TRAPPC9: variants seen among roughly 807,000 people sequenced by gnomAD.
The protein encoded by TRAPPC9 is IKK2 binding protein.
TRAPPC9 carries 83 observed loss-of-function variants against 124.0 expected under a neutral mutation model. That is an observed-to-expected ratio of 0.67 (90% CI 0.56 to 0.80). The LOEUF (loss-of-function observed/expected upper bound fraction) is 0.80. TRAPPC9 is among the 30% of genes least tolerant of loss of function. TRAPPC9 has a pLI of 0.00. For missense variants in TRAPPC9, 1,302 were observed against 1,508.3 expected, an observed-to-expected ratio of 0.86 and a Z score of 2.27; for synonymous variants, 638 against 617.5, an observed-to-expected ratio of 1.03 and a Z score of -0.49.
At chr8:140,019,179 C>A (rs10113081) in intron 18 of TRAPPC9, among the ~76,000 whole-genome samples, 4 of 151,926 alleles carry the variant, frequency 2.6e-5, no homozygotes, top group South Asian at 2.1e-4. Flanking sequence ...CTGTTTTGTC[C>A]CTTTCATATA....
intron 2 of TRAPPC9, among the ~76,000 whole-genome samples, chr8:140,447,021 C>T (rs1588374308): frequency 6.6e-6 from 1 of 152,198 alleles, no homozygotes; most frequent in Admixed American, 6.5e-5. Context: ...CAGCCACAGC[C>T]GGGAATCACA....
At chr8:139,783,907 T>C (rs1414090138) in intron 21 of TRAPPC9, among the ~76,000 whole-genome samples, 1 of 152,246 alleles carries the variant, frequency 6.6e-6, no homozygotes, top group Non-Finnish European at 1.5e-5. Context: ...ATCATCTTAA[T>C]GGTTGCAGAA....
At chr8:140,272,077 T>C (rs62642925) in intron 15 of TRAPPC9, among the ~76,000 whole-genome samples, 29,800 of 127,518 alleles carry the variant, frequency 0.23, 3,157 homozygotes, top group African/African-American at 0.31. Flanking sequence ...GTGATGATGG[T>C]GGTGGTTGTG....
intron 19 of TRAPPC9, among the ~76,000 whole-genome samples, chr8:139,921,889 C>A (rs1025126163): frequency 6.6e-6 from 1 of 151,396 alleles, no homozygotes; most frequent in Non-Finnish European, 1.5e-5. Flanking sequence ...CACCTGCCCC[C>A]CACTGCCACA....
chr8:140,079,365 C>G (rs1312028682), intron 17 of TRAPPC9, among the ~76,000 whole-genome samples: 1 of 152,152 alleles, frequency 6.6e-6, no homozygotes, highest in Non-Finnish European at 1.5e-5. Flanking sequence ...ACTCTTGGTT[C>G]TGCTCCTTTA....
At chr8:140,276,597 C>G (rs887221568) in intron 14 of TRAPPC9, among the ~76,000 whole-genome samples, 19 of 152,182 alleles carry the variant, frequency 1.2e-4, no homozygotes, top group African/African-American at 4.6e-4. Flanking sequence ...ACTAATTGTC[C>G]TGGTTGCATC....
chr8:140,432,691 T>C (rs532570936), intron 4 of TRAPPC9, among the ~76,000 whole-genome samples: 4 of 151,610 alleles, frequency 2.6e-5, no homozygotes, highest in African/African-American at 7.3e-5. Flanking sequence ...GCTAACACGG[T>C]GAAATCCTGT....
intron 17 of TRAPPC9, among the ~76,000 whole-genome samples, chr8:140,071,983 A>G (rs1331608305): frequency 2.6e-5 from 4 of 152,198 alleles, no homozygotes; most frequent in African/African-American, 9.7e-5. Flanking sequence ...CAATCATCTC[A>G]ACTGACGCAG....
chr8:140,075,213 G>A (rs544153082), intron 17 of TRAPPC9, among the ~76,000 whole-genome samples: 8 of 152,220 alleles, frequency 5.3e-5, no homozygotes, highest in South Asian at 2.1e-4. Flanking sequence ...TGGAGTTACC[G>A]ACACCTACCA....
At chr8:139,899,555 C>T (rs1830891378) in intron 20 of TRAPPC9, among the ~76,000 whole-genome samples, 1 of 152,124 alleles carries the variant, frequency 6.6e-6, no homozygotes, top group South Asian at 2.1e-4. Flanking sequence ...AGAAAATCTG[C>T]ATGTAAGTGG....
chr8:140,410,043 A>C (rs569435962), intron 5 of TRAPPC9, among the ~76,000 whole-genome samples: 1 of 145,630 alleles, frequency 6.9e-6, no homozygotes, highest in Non-Finnish European at 1.5e-5. Flanking sequence ...TGGGAGGCTG[A>C]GGCAGGAGGA....
chr8:140,352,032 C>T (rs1327847590), intron 9 of TRAPPC9, among the ~76,000 whole-genome samples: 1 of 152,148 alleles, frequency 6.6e-6, no homozygotes, highest in East Asian at 1.9e-4. Flanking sequence ...CACAAAGTCC[C>T]CCATTCCCCC....
chr8:140,234,246 T>C (rs1563868838), intron 16 of TRAPPC9, among the ~76,000 whole-genome samples: 1 of 152,176 alleles, frequency 6.6e-6, no homozygotes, highest in Admixed American at 6.5e-5. Context: ...CGCCTGATGA[T>C]CTGAGGTCGA....
chr8:140,105,819 G>A (rs936325114), intron 17 of TRAPPC9, among the ~76,000 whole-genome samples: 8 of 152,130 alleles, frequency 5.3e-5, no homozygotes, highest in African/African-American at 1.9e-4. Flanking sequence ...CATGCAGTCT[G>A]AATCTCAGAA....
intron 7 of TRAPPC9, among the ~76,000 whole-genome samples, chr8:140,380,568 T>C (rs1321174843): frequency 7.0e-6 from 1 of 141,890 alleles, no homozygotes; most frequent in Non-Finnish European, 1.5e-5. Context: ...GGCAGGAGAA[T>C]CACTTGAACC....
At chr8:139,864,698 GCAAGCCCT>G (rs1828408085) in intron 21 of TRAPPC9, among the ~76,000 whole-genome samples, 2 of 118,210 alleles carry the variant, frequency 1.7e-5, no homozygotes, top group Non-Finnish European at 4.1e-5. Flanking sequence ...CCGACCGCCA[GCAAGCCCT>G]GCAGGGCTGT....
chr8:140,405,643 A>G lies in TRAPPC9; in HGVS notation c.942T>C (p.Ala314=). Residue 314 remains alanine, a synonymous_variant, in exon 6 of 23, where the codon GCT becomes GCC. Transcript: ENST00000438773. ...TGTCTTCAGGGCTAAGGCAGTTCTT[A>G]GCACGTCCGATCTCAGTACTGGTGT... The part of the protein sequence containing the change: ...NPDTSTEIGR[A]KNCLSPEDII... The G allele has an allele frequency of 1.2e-6, 2 of 1,614,188 alleles. No individual in the cohort carries two copies. The highest frequency in any genetic ancestry group is 1.7e-6 in the Non-Finnish European group (2 of 1,180,012).
At chr8:139,836,172 C>T (rs985050848) in intron 21 of TRAPPC9, among the ~76,000 whole-genome samples, 1 of 152,124 alleles carries the variant, frequency 6.6e-6, no homozygotes, top group Non-Finnish European at 1.5e-5. Context: ...CCACACCTGG[C>T]TAATTTTTAT....
intron 19 of TRAPPC9, chr8:139,914,758 C>G (rs945290079): frequency 6.6e-6 from 1 of 152,278 alleles, no homozygotes; most frequent in Admixed American, 6.5e-5. Context: ...AACAAAGCAA[C>G]GACGCCTTGA....
Sources: gnomAD v4.1 joint callset for allele counts (sites outside exome capture counted in the v4.1 genomes callset) on GRCh38, gnomAD v4.1.1 for gene constraint, MANE v1.5 for transcripts, NCBI Gene and HGNC (gene_info 2026-07-23, HGNC 2026-07-21) for gene names.